The following TSHZ2 variants were observed in gnomAD, a reference collection of about 807,000 sequenced individuals.
The protein encoded by TSHZ2 is teashirt zinc finger homeobox 2, also known as teashirt homolog 2.
Under a neutral mutation model 74.4 loss-of-function variants are expected in TSHZ2, and 21 were observed. The ratio of observed to expected loss-of-function variants is 0.28; its 90% CI spans 0.20 to 0.41. The LOEUF (loss-of-function observed/expected upper bound fraction) is 0.41, where lower values mean the gene tolerates loss of function less well. TSHZ2 is among the 10% of genes least tolerant of loss of function. The pLI is 1.00. For synonymous variants in TSHZ2, 540 were observed against 515.3 expected (o/e 1.05, Z -0.65); for missense variants, 1,244 against 1,293.5 (o/e 0.96, Z 0.59).
rs1254584128 is a variant in TSHZ2 at position 53,311,042 on chromosome 20, G to A, written c.*8+54471G>A. On this transcript the variant is annotated intron_variant, in intron 2 of 2. Coordinates refer to ENST00000371497, the MANE Select transcript of TSHZ2 (RefSeq NM_173485.6). ...GATATTTGGTGGGGTAGACCATTGT[G>A]CTGAGATGATCATCTGATGTGCTGT... 2.0e-5 allele frequency among the ~76,000 whole-genome samples: 3 copies of A among 152,330 alleles called. No homozygotes were observed. In the East Asian group the frequency reaches 5.8e-4, roughly 29 times the overall value.
chr20:53,047,366 A>C (rs1253760934), intron 1 of TSHZ2, among the ~76,000 whole-genome samples: 1 of 152,188 alleles, frequency 6.6e-6, no homozygotes, highest in Non-Finnish European at 1.5e-5. Context: ...TTGCTCTGCC[A>C]CCGTAACACA....
chr20:53,472,641 G>T (rs540921587), intron 2 of TSHZ2, among the ~76,000 whole-genome samples: 2 of 151,920 alleles, frequency 1.3e-5, no homozygotes, highest in Non-Finnish European at 2.9e-5. Context: ...AGCTCCTCAG[G>T]GGGGAGGGAG....
At chr20:52,973,398 C>T (rs1981203891) in intron 1 of TSHZ2, 65 bp downstream of exon 1, 1 of 1,541,336 alleles carries the variant, frequency 6.5e-7, no homozygotes, top group African/African-American at 1.4e-5. Flanking sequence ...CCCTCCTTGC[C>T]CCTGGGTGCC....
intron 1 of TSHZ2, among the ~76,000 whole-genome samples, chr20:53,249,675 G>A (rs1354110602): frequency 4.6e-5 from 7 of 152,252 alleles, no homozygotes; most frequent in South Asian, 2.1e-4. Context: ...AAGGATTGGC[G>A]GGGTCAAGGA....
chr20:53,246,040 C>CTTTTTTTTTTTTTTTTTTTTTTTTTT lies in TSHZ2; in HGVS notation c.41-7446_41-7445insTTTTTTTTTTTTTTTTTTTTTTTTTT, dbSNP rs57243805. Among the ~76,000 whole-genome samples the CTTTTTTTTTTTTTTTTTTTTTTTTTT allele has an allele frequency of 1.6e-3, 206 of 130,514 alleles. 5 individuals carry two copies. Among genetic ancestry groups the CTTTTTTTTTTTTTTTTTTTTTTTTTT allele is most frequent in the African/African-American group, 2.8e-3 (90 of 32,290 alleles). The allele number at this position is 130,514 out of a possible 152,430, so 85.6% of individuals were successfully genotyped here. On this transcript the variant is annotated intron_variant, in intron 1 of 2. Coordinates refer to ENST00000371497, the MANE Select transcript of TSHZ2 (RefSeq NM_173485.6). ...TGTGCTTTTCTTTCTTTCTTTCTTT[C>CTTTTTTTTTTTTTTTTTTTTTTTTTT]TTTTTTTTTTTTTGTTTGAGACAGA...
intron 1 of TSHZ2, among the ~76,000 whole-genome samples, chr20:53,083,058 T>A (rs540680201): frequency 1.3e-5 from 2 of 152,324 alleles, no homozygotes; most frequent in African/African-American, 4.8e-5. Flanking sequence ...GCTGACAAAA[T>A]GACCACTACT....
intron 2 of TSHZ2, among the ~76,000 whole-genome samples, chr20:53,265,748 G>A (rs1439099680): frequency 6.6e-6 from 1 of 152,130 alleles, no homozygotes; most frequent in Non-Finnish European, 1.5e-5. Flanking sequence ...AAGAGAGGAA[G>A]GTTTTACATA....
chr20:53,312,486 C>G (rs776223237), intron 2 of TSHZ2, among the ~76,000 whole-genome samples: 25 of 152,156 alleles, frequency 1.6e-4, no homozygotes, highest in Non-Finnish European at 3.4e-4. Context: ...GTCAAAAATT[C>G]AAAAGCGACA....
chr20:53,157,894 G>A (rs1300955644), intron 1 of TSHZ2, among the ~76,000 whole-genome samples: 2 of 152,252 alleles, frequency 1.3e-5, no homozygotes, highest in East Asian at 1.9e-4. Flanking sequence ...ACCTCAAGAA[G>A]GTTATACTCT....
chr20:53,002,067 C>T (rs138348273), intron 1 of TSHZ2, among the ~76,000 whole-genome samples: 2 of 152,350 alleles, frequency 1.3e-5, no homozygotes, highest in African/African-American at 4.8e-5. Flanking sequence ...CCTTAACTCA[C>T]ATCACTTCAT....
chr20:53,229,241 C>T (rs1215264224), intron 1 of TSHZ2, among the ~76,000 whole-genome samples: 1 of 152,038 alleles, frequency 6.6e-6, no homozygotes, highest in Non-Finnish European at 1.5e-5. Flanking sequence ...TTCCAATAGC[C>T]CCACCCCCTA....
At chr20:53,072,433 T>G (rs1371823877) in intron 1 of TSHZ2, among the ~76,000 whole-genome samples, 1 of 152,230 alleles carries the variant, frequency 6.6e-6, no homozygotes, top group Non-Finnish European at 1.5e-5. Context: ...AAATATTCAT[T>G]GACTGAATGC....
chr20:53,277,433 A>G (rs1185899480), intron 2 of TSHZ2, among the ~76,000 whole-genome samples: 2 of 148,602 alleles, frequency 1.3e-5, no homozygotes, highest in African/African-American at 5.2e-5. Context: ...TTCACTTTGC[A>G]AAAAAAACCA....
rs1423718875 is a variant in TSHZ2, at chr20:53,333,229, C to G, written c.*8+76658C>G. ...GCTTTGCAAAATCTGATTAAACTAC[C>G]TAGGAAATACTGAGTTTCCTAAACT... On this transcript the variant is annotated intron_variant, in intron 2 of 2. Transcript: ENST00000371497. Among the ~76,000 whole-genome samples, 3 of 152,250 alleles carry G rather than the reference C, an allele frequency of 2.0e-5. 1 individual carries two copies. Among genetic ancestry groups the G allele is most frequent in the South Asian group, 4.1e-4 (2 of 4,828 alleles).
intron 1 of TSHZ2, among the ~76,000 whole-genome samples, chr20:52,981,382 C>T (rs1012415642): frequency 6.6e-6 from 1 of 152,160 alleles, no homozygotes; most frequent in African/African-American, 2.4e-5. Context: ...TCTCTGCCCT[C>T]CACTTTCTAA....
intron 1 of TSHZ2, among the ~76,000 whole-genome samples, chr20:53,120,834 C>T (rs1185536501): frequency 6.6e-6 from 1 of 152,090 alleles, no homozygotes; most frequent in Non-Finnish European, 1.5e-5. Flanking sequence ...CATAATTTGC[C>T]GTATAAGTGA....
In TSHZ2 at chr20:53,459,943, C is replaced by T. The variant is rs569534344; in HGVS notation, c.*9-27201C>T. Among the ~76,000 whole-genome samples, 177 of 152,318 alleles carry T rather than the reference C, an allele frequency of 1.2e-3. 1 individual carries two copies. Among genetic ancestry groups the T allele is most frequent in the Middle Eastern group, 6.8e-3 (2 of 294 alleles). ...AGAGATCCACTGTTAGTCTGATGGG[C>T]TTCCCTTTGAGGGTAACCCGACCTT... is the stretch of plus-strand genomic sequence containing the variant. On this transcript the variant is annotated intron_variant, in intron 2 of 2. Transcript: ENST00000371497.
At chr20:53,043,105 A>G (rs1984104123) in intron 1 of TSHZ2, among the ~76,000 whole-genome samples, 1 of 152,182 alleles carries the variant, frequency 6.6e-6, no homozygotes, top group African/African-American at 2.4e-5. Flanking sequence ...GTTTTAGGGG[A>G]AAAAAGTTAG....
At chr20:53,371,651 G>A (rs931535298) in intron 2 of TSHZ2, among the ~76,000 whole-genome samples, 4 of 152,116 alleles carry the variant, frequency 2.6e-5, no homozygotes, top group Admixed American at 6.6e-5. Context: ...CGAAGTGGGC[G>A]GATCACTTGA....
Sources: allele counts gnomAD v4.1 joint callset (sites outside exome capture counted in the v4.1 genomes callset), GRCh38; gene constraint gnomAD v4.1.1; transcripts MANE v1.5; gene names NCBI Gene and HGNC (gene_info 2026-07-23, HGNC 2026-07-21).